The following NRXN1 variants were observed in gnomAD, a reference collection of about 807,000 sequenced individuals.
NRXN1 encodes the protein neurexin-1.
In NRXN1, 39 loss-of-function variants were observed where a neutral mutation model predicts 150.9. That is an observed-to-expected ratio of 0.26 (90% CI 0.20 to 0.34). The LOEUF is 0.34. Ranked by LOEUF, NRXN1 falls within the 10% of genes least tolerant of loss-of-function variation. The pLI is 1.00. For synonymous variants in NRXN1, 924 were observed against 757.0 expected (o/e 1.22, Z -3.62); for missense variants, 1,815 against 1,949.9 (o/e 0.93, Z 1.30).
intron 12 of NRXN1, among the ~76,000 whole-genome samples, chr2:50,522,719 CATTTTTTTTTTTTTT>C (rs1474979228): frequency 1.2e-5 from 1 of 86,558 alleles, no homozygotes; most frequent in African/African-American, 6.0e-5. Flanking sequence ...TATTTTTATT[CATTTTTTTTTTTTTT>C]TTTTTTTTTT....
intron 18 of NRXN1, among the ~76,000 whole-genome samples, chr2:50,219,359 GAAA>G (rs34949214): frequency 1.4e-5 from 2 of 143,722 alleles, no homozygotes; most frequent in African/African-American, 2.5e-5. Context: ...CTGTTTTGGG[GAAA>G]AAAAAAAAAA....
intron 21 of NRXN1, among the ~76,000 whole-genome samples, chr2:49,964,920 T>C (rs1288932137): frequency 2.0e-5 from 3 of 152,182 alleles, no homozygotes; most frequent in Admixed American, 1.3e-4. Context: ...AGGGTCTCAC[T>C]CTGTCACCCA....
chr2:50,742,075 T>G (rs1313899919), intron 5 of NRXN1, among the ~76,000 whole-genome samples: 1 of 152,128 alleles, frequency 6.6e-6, no homozygotes, highest in Non-Finnish European at 1.5e-5. Flanking sequence ...ATAGGTGGTT[T>G]ATGAATATTC....
rs539099194 is a variant in NRXN1 at position 50,298,135 on chromosome 2, G to A, written c.3365-61165C>T. ...CAGCAAATTCAATGATGAAATTGCC[G>A]TAAGTGCTAAAGCACCAAAGAACTA... On this transcript the variant is annotated intron_variant, in intron 17 of 22. Transcript: ENST00000401669. 2.5e-4 allele frequency among the ~76,000 whole-genome samples: 38 copies of A among 152,160 alleles called. No individual in the cohort carries two copies. The East Asian group carries it at 3.7e-3, about 15-fold the overall frequency.
In NRXN1 at chr2:50,975,866, T is replaced by C. The variant is rs866891142; in HGVS notation, c.773-49911A>G. On this transcript the variant is annotated intron_variant, in intron 2 of 22. Coordinates refer to ENST00000401669, the MANE Select transcript of NRXN1 (RefSeq NM_001330078.2). ...AACCCAAGAGCAGTCGAGGGAGATA[T>C]ATCAATGTTAGGGGAAGAAGAAATT... Among the ~76,000 whole-genome samples the C allele has an allele frequency of 5.4e-4, 82 of 152,210 alleles. No individual in the cohort carries two copies. The Middle Eastern group carries it at 0.024, about 44-fold the overall frequency.
At chr2:50,962,454 C>T (rs1693355136) in intron 2 of NRXN1, among the ~76,000 whole-genome samples, 1 of 151,608 alleles carries the variant, frequency 6.6e-6, no homozygotes, top group Admixed American at 6.6e-5. Context: ...TTAAACCTGG[C>T]CTCCACACAT....
chr2:50,944,734 C>G (rs113810344), intron 2 of NRXN1, among the ~76,000 whole-genome samples: 2 of 152,058 alleles, frequency 1.3e-5, no homozygotes, highest in Non-Finnish European at 2.9e-5. Context: ...CCTGTTTATG[C>G]CTGTACTGCA....
chr2:50,072,497 T>C (rs952915154), intron 19 of NRXN1, among the ~76,000 whole-genome samples: 11 of 146,374 alleles, frequency 7.5e-5, no homozygotes, highest in Non-Finnish European at 7.4e-5. Flanking sequence ...TTATTCACAC[T>C]AATTTTTATC....
intron 5 of NRXN1, among the ~76,000 whole-genome samples, chr2:50,658,428 G>GTGTGTGTGTGTGTGTC (rs1274151436): frequency 2.6e-5 from 4 of 151,720 alleles, no homozygotes; most frequent in Non-Finnish European, 5.9e-5. Flanking sequence ...GTGTGTGTGT[G>GTGTGTGTGTGTGTGTC]TGTGTGTGTG....
chr2:50,731,159 A>C (rs1698052306), intron 5 of NRXN1, among the ~76,000 whole-genome samples: 1 of 152,206 alleles, frequency 6.6e-6, no homozygotes, highest in South Asian at 2.1e-4. Context: ...AATGAAATTA[A>C]AGTTTGGCTA....
intron 17 of NRXN1, among the ~76,000 whole-genome samples, chr2:50,296,790 C>T (rs1427715472): frequency 1.3e-5 from 2 of 151,696 alleles, no homozygotes; most frequent in Non-Finnish European, 2.9e-5. Flanking sequence ...TAAGTGAGAA[C>T]ATGCAGTATG....
At chr2:50,133,497 G>A (rs146498008) in intron 18 of NRXN1, among the ~76,000 whole-genome samples, 189 of 152,274 alleles carry the variant, frequency 1.2e-3, no homozygotes, top group African/African-American at 4.3e-3. Flanking sequence ...AGCTTGGATA[G>A]TACCAGACAG....
At chr2:50,851,683 G>C (rs368510219) in intron 5 of NRXN1, among the ~76,000 whole-genome samples, 2 of 151,996 alleles carry the variant, frequency 1.3e-5, no homozygotes, top group African/African-American at 4.8e-5. Context: ...TAAGCAGTGA[G>C]ACAAAATCTA....
intron 5 of NRXN1, among the ~76,000 whole-genome samples, chr2:50,877,491 C>G (rs1319002281): frequency 2.0e-5 from 3 of 151,890 alleles, no homozygotes; most frequent in Non-Finnish European, 4.4e-5. Flanking sequence ...CACATCTTTT[C>G]TGAATCACTG....
intron 5 of NRXN1, chr2:50,739,359 T>C (rs1478711643): frequency 2.7e-6 from 1 of 370,124 alleles, no homozygotes; most frequent in Non-Finnish European, 5.6e-6. Flanking sequence ...AAGTGAAATG[T>C]AATTCTATTT....
intron 18 of NRXN1, among the ~76,000 whole-genome samples, chr2:50,147,411 T>A (rs1207170171): frequency 6.6e-6 from 1 of 151,698 alleles, no homozygotes; most frequent in Non-Finnish European, 1.5e-5. Context: ...TAACTAAAAA[T>A]TTAGATAATT....
intron 17 of NRXN1, among the ~76,000 whole-genome samples, chr2:50,265,860 T>C (rs2068773167): frequency 6.6e-6 from 1 of 152,104 alleles, no homozygotes; most frequent in African/African-American, 2.4e-5. Flanking sequence ...AAAGATTGGC[T>C]ATTCTTACAT....
intron 5 of NRXN1, among the ~76,000 whole-genome samples, chr2:50,908,219 A>T (rs1684009104): frequency 6.6e-6 from 1 of 152,080 alleles, no homozygotes; most frequent in African/African-American, 2.4e-5. Context: ...GTGGGCTGAC[A>T]ACATCAACTC....
intron 2 of NRXN1, among the ~76,000 whole-genome samples, chr2:51,019,171 G>T (rs1166851329): frequency 6.6e-6 from 1 of 152,062 alleles, no homozygotes; most frequent in Non-Finnish European, 1.5e-5. Flanking sequence ...ACAATGGACA[G>T]GGCTGCCTGC....
Sources: allele counts gnomAD v4.1 joint callset (sites outside exome capture counted in the v4.1 genomes callset), GRCh38; gene constraint gnomAD v4.1.1; transcripts MANE v1.5; gene names NCBI Gene and HGNC (gene_info 2026-07-23, HGNC 2026-07-21).